Variants in PLXNB2 observed in about 807,000 individuals in gnomAD.
PLXNB2 encodes the protein plexin B2, also known as plexin-B2.
Under a neutral mutation model 202.6 loss-of-function variants are expected in PLXNB2, and 85 were observed. That is an observed-to-expected ratio of 0.42 (90% CI 0.35 to 0.50). PLXNB2 has a LOEUF of 0.50. Ranked by LOEUF, PLXNB2 falls within the 20% of genes least tolerant of loss-of-function variation. The pLI is 0.02. For missense variants in PLXNB2, 2,063 were observed against 2,586.2 expected (o/e 0.80, Z 4.39); for synonymous variants, 1,239 against 1,137.6 (o/e 1.09, Z -1.79).
chr22:50,296,288 GCC>G (rs1197938190), intron 1 of PLXNB2, among the ~76,000 whole-genome samples: 10 of 151,922 alleles, frequency 6.6e-5, no homozygotes, highest in African/African-American at 2.4e-4. Context: ...TGGTGGTACA[GCC>G]TGAAGTCCCG....
intron 16 of PLXNB2, 28 bp downstream of exon 16, chr22:50,283,309 C>T (rs376973571): frequency 1.3e-4 from 209 of 1,610,086 alleles, no homozygotes; most frequent in Admixed American, 1.2e-4. Context: ...CTCCCGGGTT[C>T]GGCAGGTCCC....
intron 2 of PLXNB2, 117 bp downstream of exon 2, chr22:50,294,602 G>A (rs894857522): frequency 2.2e-5 from 6 of 267,906 alleles, no homozygotes; most frequent in East Asian, 3.5e-4. Context: ...TGACAGGTAC[G>A]GTTGAAACCT....
Position 50,277,616 on chromosome 22 carries a change from G to A in PLXNB2, c.5171C>T (p.Thr1724Met), listed in dbSNP as rs780142749. 9.2e-5 allele frequency: 147 copies of A among 1,596,868 alleles called. No individual in the cohort carries two copies. Among genetic ancestry groups the A allele is most frequent in the Middle Eastern group, 1.7e-4 (1 of 6,026 alleles). ...VIAQTFMDAC[T>M]RTEHKLSRDS... ...GCGGCTCAGCTTATGCTCCGTGCGC[G>A]TGCAGGCATCCATGAAGGTCTGCGC... The change falls in exon 33 of 37, where the codon ACG (threonine) becomes ATG (methionine). Residue 1724 changes from threonine (T) to methionine (M), a missense_variant. Coordinates refer to ENST00000359337, the MANE Select transcript of PLXNB2 (RefSeq NM_012401.4).
chr22:50,277,052 A>T (rs1183609857), intron 33 of PLXNB2, 146 bp from the exon 34 acceptor site: 2 of 638,626 alleles, frequency 3.1e-6, no homozygotes, highest in East Asian at 2.7e-5. Flanking sequence ...CAGGCCTGTA[A>T]TCCTAGCACT....
intron 27 of PLXNB2, among the ~76,000 whole-genome samples, 161 bp from the exon 28 acceptor site, chr22:50,279,172 C>T (rs2065820831): frequency 6.6e-6 from 1 of 152,246 alleles, no homozygotes; most frequent in Admixed American, 6.5e-5. Context: ...TCCCAGATGA[C>T]CACACTCTGC....
chr22:50,275,761 C>T lies in PLXNB2; in HGVS notation c.5460G>A (p.Leu1820=), dbSNP rs1158823523. ...CGGCAATCTGCTGCAGGCGGAAGGC[C>T]AGCTGCATCTTCTGGGCGGCAGGAT... ...EEDPAAQKMQ[L]AFRLQQIAAA... The change falls in exon 37 of 37, where the codon CTG becomes CTA. Residue 1820 remains leucine (L), a synonymous_variant. Transcript: ENST00000359337. 1 of 1,612,404 alleles carries T rather than the reference C, an allele frequency of 6.2e-7. No homozygotes were observed. The highest frequency in any genetic ancestry group is 1.3e-5 in the African/African-American group (1 of 75,004).
In PLXNB2 at chr22:50,275,639, C is replaced by T. The variant is rs1413623968; in HGVS notation, c.*65G>A. 1 of 1,186,218 alleles carries T rather than the reference C, an allele frequency of 8.4e-7. No individual in the cohort carries two copies. The highest frequency in any genetic ancestry group is 2.4e-5 in the East Asian group (1 of 41,948). 73.5% of individuals were successfully genotyped at this position (1,186,218 alleles called of 1,614,324 possible). A position where few individuals can be genotyped will look rare whatever the true frequency, so the allele number is the denominator to read the frequency against. ...GCCTCAGCCACAGCCACTCGGCCTC[C>T]TCCCCTGAGGGGCTCTCAGGTACCT... On this transcript the variant is annotated 3_prime_UTR_variant, in exon 37 of 37. Coordinates refer to ENST00000359337, the MANE Select transcript of PLXNB2 (RefSeq NM_012401.4).
chr22:50,306,031 C>A (rs911662073), intron 1 of PLXNB2, among the ~76,000 whole-genome samples: 4 of 152,366 alleles, frequency 2.6e-5, no homozygotes, highest in South Asian at 2.1e-4. Flanking sequence ...GGGCCCTCAA[C>A]CCACGTCCCG....
intron 31 of PLXNB2, 44 bp downstream of exon 31, chr22:50,278,073 C>T (rs879281598): frequency 1.9e-5 from 30 of 1,603,944 alleles, no homozygotes; most frequent in Non-Finnish European, 2.5e-5. Flanking sequence ...GGGAGGGTCT[C>T]AGCGTGGCGG....
Position 50,289,365 on chromosome 22 carries a change from G to A in PLXNB2, c.1068+152C>T, listed in dbSNP as rs145322724. On this transcript the variant is annotated intron_variant, in intron 3 of 36. Coordinates refer to ENST00000359337, the MANE Select transcript of PLXNB2 (RefSeq NM_012401.4). The surrounding 1 kb of genome is among the most constrained non-coding windows in gnomAD (Gnocchi z 8.0). ...GACTGGCGCCAGCGTGAATGGCATT[G>A]AGAGATGCGGCACCCACCCACGCAA... 8.5e-3 allele frequency: 9,175 copies of A among 1,081,506 alleles called. 50 individuals are homozygous for A. Among genetic ancestry groups the A allele is most frequent in the Non-Finnish European group, 9.8e-3 (7,580 of 774,896 alleles). The allele number at this position is 1,081,506 out of a possible 1,614,324, so 67.0% of individuals were successfully genotyped here. A position where few individuals can be genotyped will look rare whatever the true frequency, so the allele number is the denominator to read the frequency against.
intron 28 of PLXNB2, 43 bp downstream of exon 28, chr22:50,278,812 C>T (rs1285451827): frequency 1.2e-6 from 2 of 1,600,816 alleles, no homozygotes; most frequent in East Asian, 4.5e-5. Flanking sequence ...ACAGGCCAGG[C>T]ACATGGGCGC....
chr22:50,296,272 C>T (rs528121861), intron 1 of PLXNB2, among the ~76,000 whole-genome samples: 1 of 144,116 alleles, frequency 6.9e-6, no homozygotes, highest in Non-Finnish European at 1.5e-5. Flanking sequence ...GTGAACTGGC[C>T]GCGTGTGGTG....
intron 35 of PLXNB2, 61 bp from the exon 36 acceptor site, chr22:50,276,024 G>A: frequency 2.7e-6 from 4 of 1,495,030 alleles, no homozygotes; most frequent in Non-Finnish European, 3.7e-6. Flanking sequence ...GGGCTGGCAG[G>A]AGTAGTACGG....
chr22:50,277,005 C>T (rs2065649545), intron 33 of PLXNB2, 99 bp from the exon 34 acceptor site: 1 of 822,940 alleles, frequency 1.2e-6, no homozygotes, highest in Admixed American at 2.1e-5. Flanking sequence ...ACTCCTGACA[C>T]TTTCATCAAG....
At chr22:50,277,761 G>A (rs2065705463) in intron 32 of PLXNB2, 23 bp from the exon 33 acceptor site, 1 of 1,594,386 alleles carries the variant, frequency 6.3e-7, no homozygotes, top group Admixed American at 1.7e-5. Flanking sequence ...AGCAGGGAAT[G>A]AGAGCCGGGG....
Position 50,286,159 on chromosome 22 carries a change from C to T in PLXNB2, c.1877+14G>A. The T allele has an allele frequency of 6.2e-7, 1 of 1,611,184 alleles. No individual in the cohort carries two copies. The highest frequency in any genetic ancestry group is 1.1e-5 in the South Asian group (1 of 91,038). ...GGACGGGCAGGGTGGGGTCGATGGG[C>T]ACAAGACACTCACGGCAGGTTCTCC... On this transcript the variant is annotated intron_variant, in intron 9 of 36. Coordinates refer to ENST00000359337, the MANE Select transcript of PLXNB2 (RefSeq NM_012401.4).
chr22:50,280,599 C>T lies in PLXNB2; in HGVS notation c.4065G>A (p.Thr1355=), dbSNP rs756739584. The stretch of plus-strand genomic sequence containing the variant: ...ACTCCAGTTTCCCGTGCAGCGCCAC[C>T]GTCAGCAGGGACGCGAAGTAGACCT... ...RAKVYFASLL[T]VALHGKLEYY... The change falls in exon 25 of 37, where the codon ACG becomes ACA. Residue 1355 remains threonine (T), a synonymous_variant. Transcript: ENST00000359337. 1.1e-5 allele frequency: 17 copies of T among 1,612,688 alleles called. No homozygotes were observed. The highest frequency in any genetic ancestry group is 2.2e-5 in the South Asian group (2 of 91,082).
At chr22:50,300,818 A>G (rs866029953) in intron 1 of PLXNB2, among the ~76,000 whole-genome samples, 1 of 152,126 alleles carries the variant, frequency 6.6e-6, no homozygotes, top group South Asian at 2.1e-4. Flanking sequence ...GGGGTGCCCC[A>G]TGAAGCCCCA....
Position 50,291,833 on chromosome 22 carries a change from T to C in PLXNB2, c.-13-1236A>G, listed in dbSNP as rs1022076548. ...CACCAGTACGGGGGGCTCCCAGGTG[T>C]CCAGGGCAGCCCTGCCATGGCAGGT... is the stretch of plus-strand genomic sequence containing the variant. On this transcript the variant is annotated intron_variant, in intron 2 of 36. Transcript: ENST00000359337. The surrounding 1 kb of genome is among the most constrained non-coding windows in gnomAD (Gnocchi z 4.3). 6.6e-6 allele frequency among the ~76,000 whole-genome samples: 1 copy of C among 152,024 alleles called. No homozygotes were observed. Among genetic ancestry groups the C allele is most frequent in the Admixed American group, 6.6e-5 (1 of 15,256 alleles).
Sources: allele counts gnomAD v4.1 joint callset (sites outside exome capture counted in the v4.1 genomes callset), GRCh38; gene constraint gnomAD v4.1.1; non-coding constraint Gnocchi (gnomAD v3.1); transcripts MANE v1.5; gene names NCBI Gene and HGNC (gene_info 2026-07-23, HGNC 2026-07-21).